The following RSRC1 variants were observed in gnomAD, a reference collection of about 807,000 sequenced individuals.
The protein encoded by RSRC1 is arginine and serine rich coiled-coil 1.
In RSRC1, 39 loss-of-function variants were observed where a neutral mutation model predicts 49.1. The ratio of observed to expected loss-of-function variants is 0.79; its 90% confidence interval spans 0.61 to 1.04. RSRC1 has a LOEUF of 1.04. RSRC1 is among the 50% of genes least tolerant of loss of function. RSRC1 has a pLI of 0.00. For missense variants in RSRC1, 388 were observed against 402.4 expected (o/e 0.96, Z 0.31); for synonymous variants, 143 against 130.8 (o/e 1.09, Z -0.63).
chr3:158,200,490 G>A (rs531090470), intron 3 of RSRC1, among the ~76,000 whole-genome samples: 9 of 152,178 alleles, frequency 5.9e-5, no homozygotes, highest in Middle Eastern at 3.4e-3. Flanking sequence ...AATATCTAAT[G>A]TACTTATTGA....
intron 5 of RSRC1, among the ~76,000 whole-genome samples, chr3:158,343,746 A>G (rs1429097327): frequency 6.6e-6 from 1 of 151,808 alleles, no homozygotes; most frequent in African/African-American, 2.4e-5. Context: ...GCTCGAAGAC[A>G]TAGCAAAAGA....
chr3:158,453,156 T>A (rs1161638376), intron 6 of RSRC1, among the ~76,000 whole-genome samples: 1 of 152,138 alleles, frequency 6.6e-6, no homozygotes, highest in African/African-American at 2.4e-5. Context: ...GGTTGTTTGC[T>A]TTTTTGTCAT....
At chr3:158,270,754 G>A (rs1725473972) in intron 4 of RSRC1, among the ~76,000 whole-genome samples, 1 of 152,012 alleles carries the variant, frequency 6.6e-6, no homozygotes, top group South Asian at 2.1e-4. Context: ...AAAATATACA[G>A]ATTCATTATA....
intron 5 of RSRC1, among the ~76,000 whole-genome samples, chr3:158,345,646 A>G (rs1189908047): frequency 2.0e-5 from 3 of 152,010 alleles, no homozygotes; most frequent in Non-Finnish European, 2.9e-5. Context: ...GTGTTACTCT[A>G]TCTGATTTCA....
At chr3:158,420,428 T>C (rs1352365694) in intron 6 of RSRC1, among the ~76,000 whole-genome samples, 1 of 151,900 alleles carries the variant, frequency 6.6e-6, no homozygotes, top group African/African-American at 2.4e-5. Flanking sequence ...GGAACTATGA[T>C]CTCTGATTAG....
At chr3:158,382,901 C>A (rs1351107393) in intron 6 of RSRC1, among the ~76,000 whole-genome samples, 2 of 152,252 alleles carry the variant, frequency 1.3e-5, no homozygotes, top group East Asian at 3.9e-4. Context: ...ATTTTCACCC[C>A]TACAAAGAGC....
chr3:158,307,823 A>G (rs1190696996), intron 5 of RSRC1, among the ~76,000 whole-genome samples: 2 of 151,798 alleles, frequency 1.3e-5, no homozygotes, highest in Non-Finnish European at 2.9e-5. Context: ...TGAAACTAAT[A>G]TAACAGATCT....
chr3:158,353,455 A>G (rs775287417), intron 5 of RSRC1, among the ~76,000 whole-genome samples: 8 of 152,230 alleles, frequency 5.3e-5, no homozygotes, highest in Non-Finnish European at 1.2e-4. Flanking sequence ...GCCAGTAGGC[A>G]CTATGTAAAC....
At chr3:158,392,210 G>A (rs1733344303) in intron 6 of RSRC1, among the ~76,000 whole-genome samples, 1 of 152,040 alleles carries the variant, frequency 6.6e-6, no homozygotes, top group Admixed American at 6.6e-5. Context: ...ATCAATTGCT[G>A]CTTCTCCTCA....
rs1578261824 is a variant in RSRC1, at chr3:158,265,974, G to A, written c.495-32065G>A. Among the ~76,000 whole-genome samples the A allele has an allele frequency of 2.0e-5, 3 of 152,190 alleles. 1 individual carries two copies. Reference sequence around the variant, plus strand: ...CCATGTTGATTGAATTCCCACTGAAGCCTTGATAATTTAGCAAAAATAAAT... The same window carrying A: ...CCATGTTGATTGAATTCCCACTGAAACCTTGATAATTTAGCAAAAATAAAT... On this transcript the variant is annotated intron_variant, in intron 4 of 9. Coordinates refer to ENST00000611884, the MANE Select transcript of RSRC1 (RefSeq NM_001271838.2).
At chr3:158,181,348 G>T (rs562394815) in intron 3 of RSRC1, among the ~76,000 whole-genome samples, 1 of 152,310 alleles carries the variant, frequency 6.6e-6, no homozygotes, top group South Asian at 2.1e-4. Flanking sequence ...TAGATGTGGA[G>T]TTCTGGACAC....
chr3:158,287,972 A>G (rs1381176147), intron 4 of RSRC1, among the ~76,000 whole-genome samples: 1 of 152,190 alleles, frequency 6.6e-6, no homozygotes, highest in Non-Finnish European at 1.5e-5. Flanking sequence ...GATGCATACC[A>G]GGATATACTG....
intron 4 of RSRC1, among the ~76,000 whole-genome samples, chr3:158,274,649 C>A (rs1725705952): frequency 6.6e-6 from 1 of 152,130 alleles, no homozygotes; most frequent in East Asian, 1.9e-4. Flanking sequence ...GTCTACATTT[C>A]CTTTACACTC....
At chr3:158,176,092 A>G (rs1719196118) in intron 3 of RSRC1, among the ~76,000 whole-genome samples, 1 of 152,158 alleles carries the variant, frequency 6.6e-6, no homozygotes, top group Admixed American at 6.5e-5. Context: ...TCCAACTTAC[A>G]AGGGATGTGA....
intron 6 of RSRC1, among the ~76,000 whole-genome samples, chr3:158,376,957 T>C (rs1174751108): frequency 6.6e-6 from 1 of 152,182 alleles, no homozygotes; most frequent in East Asian, 1.9e-4. Flanking sequence ...GGGGGTGTTG[T>C]GTTATATAAA....
intron 3 of RSRC1, among the ~76,000 whole-genome samples, chr3:158,172,553 T>C (rs779915395): frequency 1.3e-4 from 20 of 152,274 alleles, no homozygotes; most frequent in Non-Finnish European, 2.5e-4. Context: ...TCCAAACTTA[T>C]GCAGTTATCC....
At chr3:158,426,513 G>T (rs1735454160) in intron 6 of RSRC1, among the ~76,000 whole-genome samples, 1 of 151,612 alleles carries the variant, frequency 6.6e-6, no homozygotes, top group Non-Finnish European at 1.5e-5. Context: ...AGATCAACCA[G>T]ACTGCCAAAA....
chr3:158,241,638 G>A (rs1049965010), intron 4 of RSRC1, among the ~76,000 whole-genome samples: 15 of 152,082 alleles, frequency 9.9e-5, no homozygotes, highest in Non-Finnish European at 1.8e-4. Flanking sequence ...AAGCAGTTAT[G>A]TAAACTAATG....
chr3:158,229,171 C>T (rs1722755065), intron 4 of RSRC1, among the ~76,000 whole-genome samples: 1 of 107,170 alleles, frequency 9.3e-6, no homozygotes, highest in Non-Finnish European at 2.1e-5. Context: ...TGTATATAAA[C>T]ATATGTGTAT....
Sources: allele counts gnomAD v4.1 joint callset (sites outside exome capture counted in the v4.1 genomes callset), GRCh38; gene constraint gnomAD v4.1.1; transcripts MANE v1.5; gene names NCBI Gene and HGNC (gene_info 2026-07-23, HGNC 2026-07-21).